LHFPL6: variants seen among roughly 807,000 people sequenced by gnomAD.
LHFPL6 encodes LHFPL tetraspan subfamily member 6 protein.
LHFPL6 carries 9 observed loss-of-function variants against 20.6 expected under a neutral mutation model. That is an observed-to-expected ratio of 0.44 (90% CI 0.26 to 0.76). LHFPL6 has a LOEUF of 0.76. LHFPL6 is among the 30% of genes least tolerant of loss of function. The probability of loss-of-function intolerance (pLI) is 0.20; values close to 1 mark genes in which losing one functional copy is unlikely to be tolerated. For synonymous variants in LHFPL6, 105 were observed against 98.7 expected (o/e 1.06, Z -0.38); for missense variants, 218 against 253.5 (o/e 0.86, Z 0.95).
At chr13:39,447,824 A>C (rs1872333020) in intron 2 of LHFPL6, among the ~76,000 whole-genome samples, 2 of 152,202 alleles carry the variant, frequency 1.3e-5, no homozygotes, top group African/African-American at 4.8e-5. Context: ...AATTACTGAT[A>C]ATTTTGAAAA....
intron 2 of LHFPL6, among the ~76,000 whole-genome samples, chr13:39,501,514 C>T (rs549561640): frequency 1.3e-5 from 2 of 152,252 alleles, no homozygotes; most frequent in African/African-American, 4.8e-5. Flanking sequence ...CCATTACCTT[C>T]CCCCCTAACA....
At chr13:39,492,206 CTGTT>C (rs1454209506) in intron 2 of LHFPL6, among the ~76,000 whole-genome samples, 4 of 152,312 alleles carry the variant, frequency 2.6e-5, no homozygotes, top group East Asian at 1.9e-4. Context: ...TTAGGGAAAT[CTGTT>C]TGTAGGTGAA....
chr13:39,591,505 C>T (rs540018080), intron 2 of LHFPL6, among the ~76,000 whole-genome samples: 1 of 152,202 alleles, frequency 6.6e-6, no homozygotes, highest in Admixed American at 6.5e-5. Context: ...GCTCAAATCA[C>T]ATCACCCCCA....
At chr13:39,548,441 G>T (rs975507608) in intron 2 of LHFPL6, among the ~76,000 whole-genome samples, 1 of 152,026 alleles carries the variant, frequency 6.6e-6, no homozygotes, top group Non-Finnish European at 1.5e-5. Context: ...CACTATTTGG[G>T]CAACAACATA....
At chr13:39,535,090 T>C (rs993959469) in intron 2 of LHFPL6, among the ~76,000 whole-genome samples, 1 of 152,216 alleles carries the variant, frequency 6.6e-6, no homozygotes, top group Non-Finnish European at 1.5e-5. Context: ...AATCTCTACT[T>C]CTGTTTTCAT....
chr13:39,414,045 C>T (rs1298242998), intron 2 of LHFPL6, among the ~76,000 whole-genome samples: 1 of 152,194 alleles, frequency 6.6e-6, no homozygotes, highest in African/African-American at 2.4e-5. Flanking sequence ...GAATATACCA[C>T]AATTTATCCA....
intron 3 of LHFPL6, among the ~76,000 whole-genome samples, chr13:39,370,402 T>A (rs991824156): frequency 6.6e-6 from 1 of 152,178 alleles, no homozygotes; most frequent in African/African-American, 2.4e-5. Context: ...TGGATTTAAG[T>A]GTCAAAAGTT....
intron 2 of LHFPL6, among the ~76,000 whole-genome samples, chr13:39,538,761 G>T (rs747773511): frequency 6.6e-6 from 1 of 151,880 alleles, no homozygotes; most frequent in South Asian, 2.1e-4. Context: ...TAAGTATAAC[G>T]ATTTCAATTT....
At chr13:39,535,298 C>G (rs574064852) in intron 2 of LHFPL6, among the ~76,000 whole-genome samples, 1 of 152,190 alleles carries the variant, frequency 6.6e-6, no homozygotes. Flanking sequence ...ACTAACATAA[C>G]CCACATCATC....
intron 2 of LHFPL6, among the ~76,000 whole-genome samples, chr13:39,483,265 G>T (rs1868599572): frequency 6.6e-6 from 1 of 152,064 alleles, no homozygotes; most frequent in Non-Finnish European, 1.5e-5. Flanking sequence ...CCCTGTTCCA[G>T]CTTTCTAGCT....
chr13:39,579,574 A>AT (rs908028398), intron 2 of LHFPL6, among the ~76,000 whole-genome samples: 2 of 152,148 alleles, frequency 1.3e-5, no homozygotes, highest in Non-Finnish European at 2.9e-5. Flanking sequence ...AATTTCAAAA[A>AT]TTTTTTTATC....
chr13:39,538,719 C>A (rs921901620), intron 2 of LHFPL6, among the ~76,000 whole-genome samples: 19 of 151,924 alleles, frequency 1.3e-4, no homozygotes, highest in African/African-American at 4.6e-4. Context: ...GACTTGATAT[C>A]AAATTTCATT....
chr13:39,500,232 T>C (rs4943668), intron 2 of LHFPL6, among the ~76,000 whole-genome samples: 100,458 of 151,928 alleles, frequency 0.66, 33,441 homozygotes, highest in East Asian at 0.85. Context: ...GACAGGGTCT[T>C]GCTCTGTTGC....
intron 2 of LHFPL6, among the ~76,000 whole-genome samples, chr13:39,457,284 T>C (rs1382340202): frequency 5.3e-5 from 8 of 152,190 alleles, no homozygotes; most frequent in Non-Finnish European, 1.5e-5. Context: ...AGAACTCTTA[T>C]AATTCAAGAA....
intron 2 of LHFPL6, among the ~76,000 whole-genome samples, chr13:39,420,709 C>T (rs1462366786): frequency 6.6e-6 from 1 of 152,116 alleles, no homozygotes; most frequent in Non-Finnish European, 1.5e-5. Context: ...TTTCACTTTC[C>T]TTCCTTGTAA....
At chr13:39,347,940 A>G (rs969478706) in intron 3 of LHFPL6, among the ~76,000 whole-genome samples, 2 of 152,206 alleles carry the variant, frequency 1.3e-5, no homozygotes, top group Non-Finnish European at 2.9e-5. Context: ...TGAAAAGTAG[A>G]GTATATAATT....
rs187342435 is a variant in LHFPL6 at position 39,537,536 on chromosome 13, A to T, written c.385+63296T>A. Among the ~76,000 whole-genome samples, 28 of 152,314 alleles carry T rather than the reference A, an allele frequency of 1.8e-4. No individual in the cohort carries two copies. In the East Asian group the frequency reaches 5.4e-3, roughly 29 times the overall value. Reference sequence around the variant, plus strand: ...ACTGCATTCAAATTTTTTAATGGTGATAATTACCTAAATGTACTTGTTAAC... The same window carrying T: ...ACTGCATTCAAATTTTTTAATGGTGTTAATTACCTAAATGTACTTGTTAAC... On this transcript the variant is annotated intron_variant, in intron 2 of 3. Coordinates refer to ENST00000379589, the MANE Select transcript of LHFPL6 (RefSeq NM_005780.3).
At chr13:39,466,794 A>G (rs1444854687) in intron 2 of LHFPL6, among the ~76,000 whole-genome samples, 1 of 152,240 alleles carries the variant, frequency 6.6e-6, no homozygotes, top group African/African-American at 2.4e-5. Context: ...AGATTTCCTA[A>G]GCATTTACCA....
At chr13:39,564,686 T>C (rs747021374) in intron 2 of LHFPL6, among the ~76,000 whole-genome samples, 2 of 152,202 alleles carry the variant, frequency 1.3e-5, no homozygotes, top group African/African-American at 2.4e-5. Flanking sequence ...GTAAATAAAG[T>C]CAGTTTGCAC....
Sources: allele counts gnomAD v4.1 joint callset (sites outside exome capture counted in the v4.1 genomes callset), GRCh38; gene constraint gnomAD v4.1.1; transcripts MANE v1.5; gene names NCBI Gene and HGNC (gene_info 2026-07-23, HGNC 2026-07-21).